PATJ: variants seen among roughly 807,000 people sequenced by gnomAD.
The protein encoded by PATJ is inaD-like protein.
In PATJ, 190 loss-of-function variants were observed where a neutral mutation model predicts 224.9. That is an observed-to-expected ratio of 0.84 (90% CI 0.75 to 0.95). The LOEUF (loss-of-function observed/expected upper bound fraction) is 0.95. PATJ is among the 40% of genes least tolerant of loss of function. The pLI is 0.00. For synonymous variants in PATJ, 769 were observed against 820.3 expected (o/e 0.94, Z 1.07); for missense variants, 2,121 against 2,270.3 (o/e 0.93, Z 1.34).
intron 28 of PATJ, among the ~76,000 whole-genome samples, chr1:62,005,991 T>C (rs1198735444): frequency 6.6e-6 from 1 of 152,228 alleles, no homozygotes; most frequent in Non-Finnish European, 1.5e-5. Context: ...AATTTTTATA[T>C]AATTAATATT....
chr1:61,878,873 T>C (rs1261498245), intron 21 of PATJ, among the ~76,000 whole-genome samples: 9 of 151,880 alleles, frequency 5.9e-5, no homozygotes, highest in Non-Finnish European at 1.3e-4. Flanking sequence ...AACTTCCTCC[T>C]CCCAGGTTCA....
intron 29 of PATJ, among the ~76,000 whole-genome samples, chr1:62,024,418 G>A (rs1406443338): frequency 1.3e-5 from 2 of 151,892 alleles, no homozygotes; most frequent in Non-Finnish European, 2.9e-5. Context: ...TCTTTCGTGG[G>A]CAGAATTGGT....
chr1:62,128,603 T>C (rs1665959911), intron 40 of PATJ: 1 of 477,950 alleles, frequency 2.1e-6, no homozygotes, highest in South Asian at 3.3e-5. Flanking sequence ...AATACAAAAA[T>C]GGCCTACTGT....
chr1:61,924,334 C>T (rs572944289), intron 26 of PATJ, among the ~76,000 whole-genome samples: 9 of 152,312 alleles, frequency 5.9e-5, no homozygotes, highest in African/African-American at 2.2e-4. Context: ...CACCACTGCA[C>T]TCCAGCCTGG....
At chr1:61,973,962 A>C (rs745884900) in intron 27 of PATJ, among the ~76,000 whole-genome samples, 1 of 151,704 alleles carries the variant, frequency 6.6e-6, no homozygotes, top group South Asian at 2.1e-4. Context: ...TAGTGTTCTT[A>C]GTGTGCATAA....
intron 22 of PATJ, among the ~76,000 whole-genome samples, chr1:61,887,559 G>T (rs1431341343): frequency 6.6e-6 from 1 of 152,186 alleles, no homozygotes; most frequent in African/African-American, 2.4e-5. Flanking sequence ...GCCCCAGGGA[G>T]TGAGAGAATG....
At chr1:61,744,616 AAC>A (rs1159699245) in intron 1 of PATJ, among the ~76,000 whole-genome samples, 3 of 152,194 alleles carry the variant, frequency 2.0e-5, no homozygotes, top group Non-Finnish European at 4.4e-5. Context: ...TAAGAGAAAA[AAC>A]ACAAACTTTT....
At chr1:61,927,034 C>T (rs114791277) in intron 26 of PATJ, among the ~76,000 whole-genome samples, 14 of 152,232 alleles carry the variant, frequency 9.2e-5, no homozygotes, top group African/African-American at 2.9e-4. Context: ...AAGAAAATGT[C>T]TTCATTCTGT....
intron 1 of PATJ, among the ~76,000 whole-genome samples, chr1:61,755,135 G>A (rs1041549191): frequency 4.0e-5 from 6 of 151,552 alleles, no homozygotes; most frequent in South Asian, 2.1e-4. Context: ...GTGAAACCCC[G>A]TCTCTACTAA....
At position 62,086,536 on chromosome 1, in the gene PATJ, G is replaced by T. The variant is rs1228048266; in HGVS notation, c.4377+1888G>T. ...ATTTAGTAAGCAATAAATTGTACAT[G>T]CCAGATAAAACAAACATATCAGGGT... On this transcript the variant is annotated intron_variant, in intron 33 of 43. Coordinates refer to ENST00000642238, the MANE Select transcript of PATJ (RefSeq NM_001350145.3). The surrounding 1 kb of genome is among the most constrained non-coding windows in gnomAD (Gnocchi z 4.0). Among the ~76,000 whole-genome samples the T allele has an allele frequency of 6.6e-6, 1 of 152,024 alleles. No individual in the cohort carries two copies. The highest frequency in any genetic ancestry group is 6.6e-5 in the Admixed American group (1 of 15,254).
intron 43 of PATJ, among the ~76,000 whole-genome samples, chr1:62,155,657 A>G (rs992654859): frequency 6.6e-6 from 1 of 151,386 alleles, no homozygotes; most frequent in African/African-American, 2.4e-5. Context: ...CGTTACTTAC[A>G]GAATGGCACA....
chr1:62,107,002 C>A (rs1054460825), intron 33 of PATJ, among the ~76,000 whole-genome samples: 2 of 152,050 alleles, frequency 1.3e-5, no homozygotes, highest in African/African-American at 4.8e-5. Context: ...TTTCTAATCT[C>A]CACTCAAAAG....
At chr1:61,824,507 C>T (rs1391406239) in intron 15 of PATJ, among the ~76,000 whole-genome samples, 3 of 149,606 alleles carry the variant, frequency 2.0e-5, no homozygotes, top group Admixed American at 6.7e-5. Flanking sequence ...CTTACTGCAG[C>T]GTCAAACTCC....
chr1:61,966,686 C>CA (rs200855600), intron 27 of PATJ, among the ~76,000 whole-genome samples: 26,959 of 85,854 alleles, frequency 0.31, 3,560 homozygotes, highest in Non-Finnish European at 0.41. Context: ...GACTTCATCT[C>CA]AAAAAAAAAA....
At chr1:61,974,681 A>G (rs1644032240) in intron 27 of PATJ, among the ~76,000 whole-genome samples, 1 of 151,920 alleles carries the variant, frequency 6.6e-6, no homozygotes, top group South Asian at 2.1e-4. Flanking sequence ...TCTTTCCCTA[A>G]GCTAGCTTTG....
rs1471621956 is a variant in PATJ, at chr1:62,128,104, A to G, written c.5166+10A>G. The G allele has an allele frequency of 1.2e-6, 2 of 1,613,992 alleles. No individual in the cohort carries two copies. The highest frequency in any genetic ancestry group is 1.1e-5 in the South Asian group (1 of 91,042). ...GACACAGAAGCTTAAAGTAAACGAGAGAACTGGTTGAAAGACTAACAATAT... is the reference window on the plus strand; with the variant it reads ...GACACAGAAGCTTAAAGTAAACGAGGGAACTGGTTGAAAGACTAACAATAT... On this transcript the variant is annotated intron_variant, in intron 40 of 43. Transcript: ENST00000642238.
chr1:61,746,030 C>T (rs61770110), intron 1 of PATJ, among the ~76,000 whole-genome samples: 14,357 of 152,102 alleles, frequency 0.094, 905 homozygotes, highest in South Asian at 0.26. Flanking sequence ...CTTCACCTCC[C>T]TGGGTTCAAG....
At chr1:61,829,009 C>CA (rs1172757321) in intron 16 of PATJ, among the ~76,000 whole-genome samples, 1 of 152,210 alleles carries the variant, frequency 6.6e-6, no homozygotes, top group East Asian at 1.9e-4. Context: ...CTTCTTAACA[C>CA]AATGCCTTGT....
chr1:61,769,167 A>C (rs1259726926), intron 4 of PATJ, 116 bp from the exon 5 acceptor site: 7 of 870,686 alleles, frequency 8.0e-6, no homozygotes, highest in Non-Finnish European at 1.2e-5. Context: ...TGAAATGCTG[A>C]GTTTATGTGG....
Sources: gnomAD v4.1 joint callset for allele counts (sites outside exome capture counted in the v4.1 genomes callset) on GRCh38, gnomAD v4.1.1 for gene constraint, Gnocchi (gnomAD v3.1) non-coding constraint, MANE v1.5 for transcripts, NCBI Gene and HGNC (gene_info 2026-07-23, HGNC 2026-07-21) for gene names.